Variants in MBD5 observed in about 807,000 individuals in gnomAD.
MBD5 encodes methyl-CpG-binding domain protein 5.
In MBD5, 13 loss-of-function variants were observed where a neutral mutation model predicts 117.3. The ratio of observed to expected loss-of-function variants is 0.11; its 90% CI spans 0.07 to 0.18. The LOEUF (loss-of-function observed/expected upper bound fraction) is 0.18. MBD5 is among the 10% of genes least tolerant of loss of function. MBD5 has a pLI of 1.00. For synonymous variants in MBD5, 727 were observed against 766.4 expected, an observed-to-expected ratio of 0.95 and a Z score of 0.85; for missense variants, 1,879 against 2,093.8, an observed-to-expected ratio of 0.90 and a Z score of 2.00.
chr2:148,466,390 A>T (rs1224548957), intron 7 of MBD5, among the ~76,000 whole-genome samples: 1 of 152,130 alleles, frequency 6.6e-6, no homozygotes, highest in South Asian at 2.1e-4. Flanking sequence ...TTTGGAAGAA[A>T]TTTTTTCTGA....
At chr2:148,236,526 C>T (rs575735177) in intron 3 of MBD5, among the ~76,000 whole-genome samples, 4 of 152,166 alleles carry the variant, frequency 2.6e-5, no homozygotes, top group Non-Finnish European at 5.9e-5. Flanking sequence ...TATAATTTTT[C>T]CAAAGGAGTA....
chr2:148,277,602 C>A (rs1309460135), intron 3 of MBD5, among the ~76,000 whole-genome samples: 1 of 152,100 alleles, frequency 6.6e-6, no homozygotes, highest in Non-Finnish European at 1.5e-5. Flanking sequence ...CCTATAATTA[C>A]TCAAGCAATG....
At chr2:148,414,824 T>A (rs929358227) in intron 4 of MBD5, among the ~76,000 whole-genome samples, 1 of 152,172 alleles carries the variant, frequency 6.6e-6, no homozygotes, top group Non-Finnish European at 1.5e-5. Flanking sequence ...TAGATTTTTT[T>A]CCATCCCTTT....
chr2:148,188,998 A>G (rs1216936474), intron 2 of MBD5, among the ~76,000 whole-genome samples: 2 of 149,480 alleles, frequency 1.3e-5, no homozygotes, highest in East Asian at 4.0e-4. Flanking sequence ...GGGGTGACGG[A>G]CGCACCTGGA....
chr2:148,311,214 T>C (rs1246102167), intron 3 of MBD5, among the ~76,000 whole-genome samples: 1 of 152,186 alleles, frequency 6.6e-6, no homozygotes, highest in African/African-American at 2.4e-5. Flanking sequence ...TAATTTTCTG[T>C]CTAGCTGATC....
chr2:148,268,640 TA>T (rs1700914400), intron 3 of MBD5, among the ~76,000 whole-genome samples: 1 of 151,676 alleles, frequency 6.6e-6, no homozygotes, highest in Non-Finnish European at 1.5e-5. Flanking sequence ...TTATGTTAAA[TA>T]AATGTACCAT....
chr2:148,069,689 A>G (rs1470635375), intron 1 of MBD5, among the ~76,000 whole-genome samples: 4 of 152,132 alleles, frequency 2.6e-5, no homozygotes, highest in Non-Finnish European at 5.9e-5. Context: ...TAATTAAAAT[A>G]CTGAGTAAAA....
At chr2:148,299,477 A>G (rs1701733419) in intron 3 of MBD5, among the ~76,000 whole-genome samples, 1 of 152,098 alleles carries the variant, frequency 6.6e-6, no homozygotes, top group South Asian at 2.1e-4. Flanking sequence ...TAACTTTAGG[A>G]GTTCTTCTTT....
At chr2:148,426,383 A>T (rs200539353) in intron 4 of MBD5, among the ~76,000 whole-genome samples, 4 of 150,294 alleles carry the variant, frequency 2.7e-5, no homozygotes, top group Non-Finnish European at 5.9e-5. Context: ...GAGGCATCAC[A>T]CTACCTGACT....
intron 1 of MBD5, among the ~76,000 whole-genome samples, chr2:148,040,065 CTA>C (rs1573940664): frequency 6.6e-6 from 1 of 151,980 alleles, no homozygotes; most frequent in Non-Finnish European, 1.5e-5. Flanking sequence ...GATCAAAAAA[CTA>C]TGTATTGGGT....
chr2:148,411,512 C>CTTTTT (rs1188326755), intron 4 of MBD5, among the ~76,000 whole-genome samples: 1,132 of 97,238 alleles, frequency 0.012, 3 homozygotes, highest in East Asian at 0.025. Flanking sequence ...AGCATCTGTT[C>CTTTTT]TTTTTTTTTT....
At chr2:148,230,081 G>T (rs963623724) in intron 2 of MBD5, among the ~76,000 whole-genome samples, 6 of 152,120 alleles carry the variant, frequency 3.9e-5, no homozygotes, top group African/African-American at 1.4e-4. Context: ...AAGGCTTTAG[G>T]GCTCAACAAT....
chr2:148,325,996 T>C (rs1159237740), intron 3 of MBD5, among the ~76,000 whole-genome samples: 5 of 151,988 alleles, frequency 3.3e-5, no homozygotes, highest in South Asian at 2.1e-4. Flanking sequence ...TCCCTCTACA[T>C]ACTGCTTTGA....
Position 148,159,444 on chromosome 2 carries a change from C to T in MBD5, c.-924-19256C>T, listed in dbSNP as rs138620239. ...GATCCTCCAGCCTCAGCCTCATGCC[C>T]AGCTAATTTTTTTGTAATTTTTGTA... is the stretch of plus-strand genomic sequence containing the variant. On this transcript the variant is annotated intron_variant, in intron 1 of 13. Transcript: ENST00000642680. 5.1e-3 allele frequency among the ~76,000 whole-genome samples: 777 copies of T among 152,004 alleles called. 4 individuals are homozygous for T. The highest frequency in any genetic ancestry group is 7.4e-3 in the Non-Finnish European group (506 of 67,968).
At chr2:148,263,614 A>AG (rs1181672231) in intron 3 of MBD5, among the ~76,000 whole-genome samples, 1 of 152,200 alleles carries the variant, frequency 6.6e-6, no homozygotes, top group African/African-American at 2.4e-5. Flanking sequence ...GATGTATTGA[A>AG]GGAAAAAGTC....
chr2:148,343,137 A>G (rs1396196319), intron 4 of MBD5, among the ~76,000 whole-genome samples: 1 of 152,076 alleles, frequency 6.6e-6, no homozygotes, highest in Non-Finnish European at 1.5e-5. Context: ...ATGATATTCC[A>G]TGGTGTATAT....
chr2:148,359,266 CAAAA>C (rs3076505), intron 4 of MBD5, among the ~76,000 whole-genome samples: 4 of 123,260 alleles, frequency 3.2e-5, no homozygotes, highest in Non-Finnish European at 1.8e-5. Context: ...GGCTCTGTCT[CAAAA>C]AAAAAAAAAA....
At chr2:148,244,713 A>C (rs559245183) in intron 3 of MBD5, among the ~76,000 whole-genome samples, 3 of 152,334 alleles carry the variant, frequency 2.0e-5, no homozygotes, top group African/African-American at 7.2e-5. Context: ...TCTGCCCTCA[A>C]AAAGTTTACC....
intron 1 of MBD5, among the ~76,000 whole-genome samples, chr2:148,106,941 A>G (rs1696388045): frequency 6.6e-6 from 1 of 151,776 alleles, no homozygotes. Flanking sequence ...TATTTATCAT[A>G]TTTTTTCTTG....
Sources: allele counts gnomAD v4.1 joint callset (sites outside exome capture counted in the v4.1 genomes callset), GRCh38; gene constraint gnomAD v4.1.1; transcripts MANE v1.5; gene names NCBI Gene and HGNC (gene_info 2026-07-23, HGNC 2026-07-21).